NKAIN3: variants seen among roughly 807,000 people sequenced by gnomAD.
The protein encoded by NKAIN3 is sodium/potassium transporting ATPase interacting 3.
In NKAIN3, 25 loss-of-function variants were observed where a neutral mutation model predicts 30.2. The ratio of observed to expected loss-of-function variants is 0.83; its 90% CI spans 0.60 to 1.16. NKAIN3 has a LOEUF of 1.16. Ranked by LOEUF, NKAIN3 falls within the 50% of genes most tolerant of loss-of-function variation. The pLI is 0.00. For missense variants in NKAIN3, 225 were observed against 254.1 expected, an observed-to-expected ratio of 0.89 and a Z score of 0.78; for synonymous variants, 91 against 89.6, an observed-to-expected ratio of 1.02 and a Z score of -0.09.
At chr8:62,667,528 C>A (rs1214984113) in intron 3 of NKAIN3, among the ~76,000 whole-genome samples, 2 of 151,566 alleles carry the variant, frequency 1.3e-5, no homozygotes, top group African/African-American at 4.9e-5. Context: ...ACATCCTATG[C>A]CCAGTTCATC....
At chr8:62,825,625 A>G (rs1481031468) in intron 4 of NKAIN3, among the ~76,000 whole-genome samples, 2 of 152,210 alleles carry the variant, frequency 1.3e-5, no homozygotes, top group Non-Finnish European at 2.9e-5. Context: ...CTGACTGACA[A>G]TCAGAATTAC....
intron 6 of NKAIN3, among the ~76,000 whole-genome samples, chr8:62,957,653 TG>T (rs1397030288): frequency 3.9e-5 from 6 of 152,176 alleles, no homozygotes; most frequent in Non-Finnish European, 5.9e-5. Context: ...TCCAATTATA[TG>T]GCTTTTTGGG....
At chr8:62,751,377 G>C (rs1563545695) in intron 4 of NKAIN3, among the ~76,000 whole-genome samples, 1 of 152,136 alleles carries the variant, frequency 6.6e-6, no homozygotes, top group African/African-American at 2.4e-5. Flanking sequence ...TCTGTCCGGC[G>C]TTTGGGCCCC....
intron 1 of NKAIN3, among the ~76,000 whole-genome samples, chr8:62,260,146 T>C (rs1812389951): frequency 6.6e-6 from 1 of 152,150 alleles, no homozygotes; most frequent in Non-Finnish European, 1.5e-5. Context: ...GTCATAAATA[T>C]ATTTCTGAAA....
At position 62,970,871 on chromosome 8, in the gene NKAIN3, C is replaced by T. The variant is rs910488209; in HGVS notation, c.*5464C>T. ...AGTTCAAAGAAACCAATAATCTATC[C>T]ATTTCTTCTCATAGAATTTGCTTTG... On this transcript the variant is annotated 3_prime_UTR_variant, in exon 7 of 7. Coordinates refer to ENST00000623646, the MANE Select transcript of NKAIN3 (RefSeq NM_001304533.3). Among the ~76,000 whole-genome samples, 2 of 152,200 alleles carry T rather than the reference C, an allele frequency of 1.3e-5. No homozygotes were observed. The highest frequency in any genetic ancestry group is 2.9e-5 in the Non-Finnish European group (2 of 68,030).
chr8:62,536,947 A>C (rs1310521257), intron 1 of NKAIN3, among the ~76,000 whole-genome samples: 1 of 152,126 alleles, frequency 6.6e-6, no homozygotes, highest in Non-Finnish European at 1.5e-5. Context: ...CTCTCCCATC[A>C]GGAGAGAAAA....
At chr8:62,700,878 T>C (rs1814311333) in intron 3 of NKAIN3, among the ~76,000 whole-genome samples, 1 of 152,252 alleles carries the variant, frequency 6.6e-6, no homozygotes, top group Non-Finnish European at 1.5e-5. Context: ...ATTTTTATAC[T>C]ATTGTCTTCC....
intron 4 of NKAIN3, among the ~76,000 whole-genome samples, chr8:62,749,201 A>G (rs1563544720): frequency 6.6e-6 from 1 of 152,204 alleles, no homozygotes; most frequent in Non-Finnish European, 1.5e-5. Context: ...GACCTTTACA[A>G]TGCAGCAGGA....
In NKAIN3 at chr8:62,995,162, G is replaced by A. The variant is rs569090609; in HGVS notation, c.533-4069G>A. On this transcript the variant is annotated intron_variant, in intron 5 of 5. Transcript: ENST00000519049. ...GCTCTACAGATGCTTAATGCATCAG[G>A]GCTCAGTGAATCTGGAGGAAAAGCA... Among the ~76,000 whole-genome samples, 15 of 152,260 alleles carry A rather than the reference G, an allele frequency of 9.9e-5. No individual in the cohort carries two copies. In the East Asian group the frequency reaches 2.9e-3, roughly 29 times the overall value.
At chr8:62,436,579 ATTAG>A (rs1805180995) in intron 1 of NKAIN3, among the ~76,000 whole-genome samples, 1 of 152,244 alleles carries the variant, frequency 6.6e-6, no homozygotes, top group South Asian at 2.1e-4. Flanking sequence ...TCTTCTTTTT[ATTAG>A]TTATTAAGTA....
intron 1 of NKAIN3, among the ~76,000 whole-genome samples, chr8:62,259,754 A>G (rs1033646490): frequency 4.6e-5 from 7 of 152,162 alleles, no homozygotes; most frequent in African/African-American, 1.7e-4. Flanking sequence ...GAAGGCGTTG[A>G]CTTAAGTTGG....
At chr8:62,292,299 G>A (rs1018674009) in intron 1 of NKAIN3, among the ~76,000 whole-genome samples, 1 of 152,124 alleles carries the variant, frequency 6.6e-6, no homozygotes, top group Non-Finnish European at 1.5e-5. Flanking sequence ...TGGTTATTTT[G>A]CTTGTTAGTT....
intron 1 of NKAIN3, among the ~76,000 whole-genome samples, chr8:62,432,491 T>C (rs1354839063): frequency 6.6e-6 from 1 of 152,138 alleles, no homozygotes; most frequent in Non-Finnish European, 1.5e-5. Context: ...TTGATGTGAC[T>C]TAAGGGTTTA....
Position 62,739,277 on chromosome 8 carries a change from A to AAT in NKAIN3, c.274-7645_274-7644dup, listed in dbSNP as rs200801707. Among the ~76,000 whole-genome samples the AAT allele has an allele frequency of 1.5e-4, 23 of 151,810 alleles. No individual in the cohort carries two copies. The East Asian group carries it at 1.6e-3, about 10-fold the overall frequency. On this transcript the variant is annotated intron_variant, in intron 3 of 6. Transcript: ENST00000623646. ...TAAAGTATAATTTACGAAAAAAAAA[A>AAT]ATATATATATACACAAATTAAAAAA...
At chr8:62,357,031 G>A (rs570832689) in intron 1 of NKAIN3, among the ~76,000 whole-genome samples, 5 of 152,150 alleles carry the variant, frequency 3.3e-5, no homozygotes, top group Non-Finnish European at 7.3e-5. Flanking sequence ...GAGACTGGCA[G>A]GTTGAGGCTG....
intron 3 of NKAIN3, among the ~76,000 whole-genome samples, chr8:62,619,185 C>T (rs1811549585): frequency 6.6e-6 from 1 of 152,186 alleles, no homozygotes; most frequent in South Asian, 2.1e-4. Context: ...TCATTGGTAC[C>T]TACCTTAGCT....
chr8:62,331,029 T>G, intron 1 of NKAIN3, among the ~76,000 whole-genome samples: 1 of 150,830 alleles, frequency 6.6e-6, no homozygotes, highest in Non-Finnish European at 1.5e-5. Flanking sequence ...TATGTATGTA[T>G]CTCCCTTCCT....
chr8:62,280,501 G>T (rs189926626), intron 1 of NKAIN3, among the ~76,000 whole-genome samples: 4,222 of 152,104 alleles, frequency 0.028, 93 homozygotes, highest in Middle Eastern at 0.075. Flanking sequence ...GTATGATATT[G>T]GCTGTGGGTT....
intron 3 of NKAIN3, among the ~76,000 whole-genome samples, chr8:62,685,945 A>G (rs1417250162): frequency 1.3e-5 from 2 of 152,196 alleles, no homozygotes; most frequent in Non-Finnish European, 2.9e-5. Flanking sequence ...GTATCCATAA[A>G]GTTTTAATAA....
Sources: allele counts gnomAD v4.1 joint callset (sites outside exome capture counted in the v4.1 genomes callset), GRCh38; gene constraint gnomAD v4.1.1; transcripts MANE v1.5; gene names NCBI Gene and HGNC (gene_info 2026-07-23, HGNC 2026-07-21).